ZBTB20: variants seen among roughly 807,000 people sequenced by gnomAD.
ZBTB20 encodes zinc finger and BTB domain containing 20.
ZBTB20 carries 9 observed loss-of-function variants against 56.9 expected under a neutral mutation model. The ratio of observed to expected loss-of-function variants is 0.16; its 90% CI spans 0.10 to 0.28. ZBTB20 has a LOEUF of 0.28. Ranked by LOEUF, ZBTB20 falls within the 10% of genes least tolerant of loss-of-function variation. The pLI, the probability that ZBTB20 is intolerant of heterozygous loss-of-function variation, is 1.00. For synonymous variants in ZBTB20, 417 were observed against 420.7 expected (o/e 0.99, Z 0.11); for missense variants, 655 against 1,003.0 (o/e 0.65, Z 4.69).
chr3:115,018,274 T>C (rs2080059228), intron 2 of ZBTB20, among the ~76,000 whole-genome samples: 1 of 149,986 alleles, frequency 6.7e-6, no homozygotes, highest in South Asian at 2.1e-4. Flanking sequence ...ATTGCTATCC[T>C]TTAAATAAAA....
intron 5 of ZBTB20, among the ~76,000 whole-genome samples, chr3:114,743,103 C>T (rs2066742285): frequency 6.6e-6 from 1 of 152,052 alleles, no homozygotes; most frequent in South Asian, 2.1e-4. Flanking sequence ...GGTCATAAGT[C>T]CATCAAAGAG....
At chr3:115,070,957 A>G (rs902278414) in intron 2 of ZBTB20, among the ~76,000 whole-genome samples, 5 of 151,846 alleles carry the variant, frequency 3.3e-5, no homozygotes, top group African/African-American at 9.7e-5. Context: ...GAGTAAATCA[A>G]TTCACCTCAC....
chr3:114,392,019 C>T (rs1025880514), intron 7 of ZBTB20, among the ~76,000 whole-genome samples: 1 of 152,092 alleles, frequency 6.6e-6, no homozygotes, highest in African/African-American at 2.4e-5. Context: ...CTTCAACAAA[C>T]CGAACTAATA....
intron 6 of ZBTB20, among the ~76,000 whole-genome samples, chr3:114,531,556 C>A (rs907646915): frequency 2.0e-5 from 3 of 152,192 alleles, no homozygotes; most frequent in Non-Finnish European, 4.4e-5. Flanking sequence ...TGAGAGGGAG[C>A]TTTCTCACAA....
At chr3:114,517,598 AC>A (rs2046156586) in intron 6 of ZBTB20, among the ~76,000 whole-genome samples, 1 of 147,010 alleles carries the variant, frequency 6.8e-6, no homozygotes, top group Non-Finnish European at 1.5e-5. Context: ...TTTTTTTTTG[AC>A]CAAATTTCTC....
At chr3:114,937,491 G>A (rs536337013) in intron 3 of ZBTB20, among the ~76,000 whole-genome samples, 1 of 151,484 alleles carries the variant, frequency 6.6e-6, no homozygotes, top group South Asian at 2.1e-4. Flanking sequence ...GCGCAATCTC[G>A]GCTCACTGCA....
At chr3:114,557,089 A>C (rs1032945811) in intron 6 of ZBTB20, among the ~76,000 whole-genome samples, 2 of 152,050 alleles carry the variant, frequency 1.3e-5, no homozygotes, top group East Asian at 3.8e-4. Flanking sequence ...TACCTGAAAG[A>C]TGTAGACAAA....
At chr3:115,036,738 T>C (rs933429541) in intron 2 of ZBTB20, among the ~76,000 whole-genome samples, 1 of 152,104 alleles carries the variant, frequency 6.6e-6, no homozygotes, top group Non-Finnish European at 1.5e-5. Context: ...AAATGTGACC[T>C]GCCCCACCCC....
chr3:114,865,873 A>T (rs942204246), intron 4 of ZBTB20, among the ~76,000 whole-genome samples: 4 of 152,210 alleles, frequency 2.6e-5, no homozygotes, highest in African/African-American at 9.6e-5. Flanking sequence ...TTTCTGTTTT[A>T]GAGATTAAGA....
chr3:114,727,484 GTT>G (rs1468116476), intron 5 of ZBTB20, among the ~76,000 whole-genome samples: 1 of 152,228 alleles, frequency 6.6e-6, no homozygotes, highest in Non-Finnish European at 1.5e-5. Context: ...ATGGGCCACT[GTT>G]TAAGCATCTC....
intron 6 of ZBTB20, among the ~76,000 whole-genome samples, chr3:114,576,041 G>T (rs192488910): frequency 6.6e-6 from 1 of 152,096 alleles, no homozygotes; most frequent in Non-Finnish European, 1.5e-5. Context: ...TTCTTTCTCC[G>T]TGTGTGCATG....
At chr3:114,555,194 C>T (rs185417500) in intron 6 of ZBTB20, among the ~76,000 whole-genome samples, 1 of 152,150 alleles carries the variant, frequency 6.6e-6, no homozygotes, top group Admixed American at 6.6e-5. Flanking sequence ...TATATTTTTC[C>T]CTAAAGTCTC....
chr3:114,798,069 T>C (rs2071440129), intron 5 of ZBTB20, among the ~76,000 whole-genome samples: 6 of 151,730 alleles, frequency 4.0e-5, no homozygotes. Context: ...TCTGGAAAAC[T>C]TTTCTCTGAT....
intron 7 of ZBTB20, among the ~76,000 whole-genome samples, chr3:114,420,274 C>G (rs1360425199): frequency 6.6e-6 from 1 of 152,048 alleles, no homozygotes; most frequent in East Asian, 1.9e-4. Context: ...GAAATACAGC[C>G]AATTTCCTAC....
chr3:114,690,124 T>A (rs1023588838), intron 6 of ZBTB20, among the ~76,000 whole-genome samples: 7 of 152,178 alleles, frequency 4.6e-5, no homozygotes, highest in African/African-American at 1.7e-4. Context: ...TTTCTCTTTT[T>A]TTTCCATGTG....
intron 3 of ZBTB20, among the ~76,000 whole-genome samples, chr3:114,922,089 T>C (rs2075981689): frequency 6.6e-6 from 1 of 152,032 alleles, no homozygotes; most frequent in Non-Finnish European, 1.5e-5. Flanking sequence ...ATTAACACAA[T>C]GAAGGATAAC....
In ZBTB20 at chr3:114,316,666, AT is replaced by A. The variant is rs1410073706; in HGVS notation, c.*22338del. 7.3e-6 allele frequency: 3 copies of A among 411,986 alleles called. No individual in the cohort carries two copies. Among genetic ancestry groups the A allele is most frequent in the Non-Finnish European group, 1.5e-5 (3 of 201,186 alleles). 25.5% of individuals were successfully genotyped at this position (411,986 alleles called of 1,614,324 possible). A position where few individuals can be genotyped will look rare whatever the true frequency, so the allele number is the denominator to read the frequency against. The stretch of plus-strand genomic sequence containing the variant: ...ATATTTTAAACAGTCTGGAGCTTTA[AT>A]TTATTTTTTAAAGTGCATTTTCAAT... On this transcript the variant is annotated 3_prime_UTR_variant, in exon 12 of 12. Coordinates refer to ENST00000675478, the MANE Select transcript of ZBTB20 (RefSeq NM_001348800.3).
chr3:114,406,113 C>T (rs1194740248), intron 7 of ZBTB20, among the ~76,000 whole-genome samples: 1 of 151,948 alleles, frequency 6.6e-6, no homozygotes, highest in Non-Finnish European at 1.5e-5. Flanking sequence ...GTTGAAAAGA[C>T]GTTTGGTACT....
rs1289369950 is a variant in ZBTB20, at chr3:114,940,519, G to A, written c.-456+33847C>T. On this transcript the variant is annotated intron_variant, in intron 3 of 11. Transcript: ENST00000675478. Reference sequence around the variant, plus strand: ...TCATGCACCCTAATTAGACAAACGTGTTTTCCAGGTCTATTTGAAGGACAT... The same window carrying A: ...TCATGCACCCTAATTAGACAAACGTATTTTCCAGGTCTATTTGAAGGACAT... 1.4e-5 allele frequency among the ~76,000 whole-genome samples: 2 copies of A among 145,408 alleles called. 1 individual carries two copies. Among genetic ancestry groups the A allele is most frequent in the African/African-American group, 5.7e-5 (2 of 35,378 alleles).
Sources: gnomAD v4.1 joint callset for allele counts (sites outside exome capture counted in the v4.1 genomes callset) on GRCh38, gnomAD v4.1.1 for gene constraint, MANE v1.5 for transcripts, NCBI Gene and HGNC (gene_info 2026-07-23, HGNC 2026-07-21) for gene names.